Variants in ZBTB20 observed in about 807,000 individuals in gnomAD.
The protein encoded by ZBTB20 is zinc finger and BTB domain containing 20.
Under a neutral mutation model 56.9 loss-of-function variants are expected in ZBTB20, and 9 were observed. That is an observed-to-expected ratio of 0.16 (90% CI 0.10 to 0.28). ZBTB20 has a LOEUF of 0.28. Ranked by LOEUF, ZBTB20 falls within the 10% of genes least tolerant of loss-of-function variation. The pLI, the probability that ZBTB20 is intolerant of heterozygous loss-of-function variation, is 1.00. For synonymous variants in ZBTB20, 417 were observed against 420.7 expected (o/e 0.99, Z 0.11); for missense variants, 655 against 1,003.0 (o/e 0.65, Z 4.69).
In ZBTB20 at chr3:114,774,505, TC is replaced by T. The variant is rs376862574; in HGVS notation, c.-343+26595del. Among the ~76,000 whole-genome samples, 560 of 152,242 alleles carry T rather than the reference TC, an allele frequency of 3.7e-3. 1 individual carries two copies. Among genetic ancestry groups the T allele is most frequent in the South Asian group, 0.015 (70 of 4,824 alleles). ...AATACCACATTCTGCTTCCTAGAGG[TC>T]CCTGTAAACTTATTAAAAACTTCAG... On this transcript the variant is annotated intron_variant, in intron 5 of 11. Transcript: ENST00000675478.
At chr3:114,810,456 C>G (rs573743122) in intron 4 of ZBTB20, among the ~76,000 whole-genome samples, 6 of 152,266 alleles carry the variant, frequency 3.9e-5, no homozygotes, top group Admixed American at 2.0e-4. Context: ...ATCAAATTAT[C>G]GAATCACCCC....
chr3:114,788,914 C>A (rs979130590), intron 5 of ZBTB20, among the ~76,000 whole-genome samples: 1 of 152,016 alleles, frequency 6.6e-6, no homozygotes, highest in African/African-American at 2.4e-5. Flanking sequence ...GGGAACTACT[C>A]TTTATAAAAC....
intron 5 of ZBTB20, among the ~76,000 whole-genome samples, chr3:114,753,413 GTATATA>G (rs67371620): frequency 4.2e-5 from 2 of 47,598 alleles, no homozygotes; most frequent in African/African-American, 1.1e-4. Flanking sequence ...ATACACACAC[GTATATA>G]TATATATATA....
rs369413912 is a variant in ZBTB20 at position 114,552,808 on chromosome 3, C to CT, written c.-294-52418dup. Reference sequence around the variant, plus strand: ...CTAGACAGAAAGGCCAGGTCTCTCTCTATTTGCTCATTCATGACAAAGGTG... The same window carrying CT: ...CTAGACAGAAAGGCCAGGTCTCTCTCTTATTTGCTCATTCATGACAAAGGTG... On this transcript the variant is annotated intron_variant, in intron 6 of 11. Transcript: ENST00000675478. 1.8e-3 allele frequency among the ~76,000 whole-genome samples: 267 copies of CT among 152,260 alleles called. 1 individual carries two copies. The highest frequency in any genetic ancestry group is 6.1e-3 in the African/African-American group (254 of 41,552).
chr3:114,998,947 A>T (rs575703563), intron 2 of ZBTB20, among the ~76,000 whole-genome samples: 8 of 144,724 alleles, frequency 5.5e-5, no homozygotes, highest in Non-Finnish European at 1.1e-4. Flanking sequence ...AAGATCAATC[A>T]GAATATGGTA....
intron 7 of ZBTB20, among the ~76,000 whole-genome samples, chr3:114,426,839 T>C (rs2089717048): frequency 6.6e-6 from 1 of 152,246 alleles, no homozygotes. Context: ...TTGTGTATTG[T>C]AGTTGTTTAT....
intron 4 of ZBTB20, among the ~76,000 whole-genome samples, chr3:114,843,887 G>A (rs866805496): frequency 6.0e-5 from 9 of 150,012 alleles, no homozygotes; most frequent in East Asian, 3.9e-4. Context: ...AGGTTTCACC[G>A]TGTTAGCCAG....
intron 4 of ZBTB20, among the ~76,000 whole-genome samples, chr3:114,877,671 A>T (rs2076248666): frequency 6.6e-6 from 1 of 152,202 alleles, no homozygotes; most frequent in Non-Finnish European, 1.5e-5. Context: ...AAAGGTCAGG[A>T]AGACGTAAGT....
At chr3:114,525,903 T>C (rs963191069) in intron 6 of ZBTB20, among the ~76,000 whole-genome samples, 7 of 152,186 alleles carry the variant, frequency 4.6e-5, no homozygotes, top group Admixed American at 1.3e-4. Context: ...CTATGTCCAC[T>C]ACACAGAATT....
intron 2 of ZBTB20, among the ~76,000 whole-genome samples, chr3:114,987,487 G>A (rs1335688478): frequency 1.3e-5 from 2 of 152,072 alleles, no homozygotes; most frequent in Non-Finnish European, 2.9e-5. Flanking sequence ...TCATATGAAG[G>A]AGAAATCACA....
intron 6 of ZBTB20, among the ~76,000 whole-genome samples, chr3:114,605,939 G>A (rs1345495986): frequency 6.6e-6 from 1 of 152,164 alleles, no homozygotes; most frequent in Non-Finnish European, 1.5e-5. Context: ...GAGTTTTCAG[G>A]CCCATCCAGA....
chr3:115,095,877 A>G (rs1314541638), intron 1 of ZBTB20, among the ~76,000 whole-genome samples: 1 of 152,242 alleles, frequency 6.6e-6, no homozygotes. Context: ...CTTTTGGTAA[A>G]GAATAAAATT....
chr3:114,484,840 C>T (rs574334265), intron 7 of ZBTB20, among the ~76,000 whole-genome samples: 3 of 149,206 alleles, frequency 2.0e-5, no homozygotes, highest in Non-Finnish European at 4.5e-5. Context: ...TGTGTGTGTG[C>T]GTGAGTGCAC....
chr3:114,627,852 T>C (rs1423838908), intron 6 of ZBTB20, among the ~76,000 whole-genome samples: 2 of 152,208 alleles, frequency 1.3e-5, no homozygotes, highest in Non-Finnish European at 2.9e-5. Flanking sequence ...TCCCCACAGA[T>C]GCTGAATTCT....
intron 6 of ZBTB20, among the ~76,000 whole-genome samples, chr3:114,593,843 C>G (rs945077620): frequency 2.6e-5 from 4 of 152,136 alleles, no homozygotes; most frequent in African/African-American, 9.7e-5. Context: ...AACTCATCTC[C>G]GTAATATAGT....
chr3:114,389,881 C>T (rs528251857), intron 7 of ZBTB20, among the ~76,000 whole-genome samples: 1 of 99,780 alleles, frequency 1.0e-5, no homozygotes, highest in African/African-American at 3.9e-5. Context: ...GAGCAAGAGT[C>T]CATCTCAAAA....
intron 6 of ZBTB20, among the ~76,000 whole-genome samples, chr3:114,634,402 G>A (rs1309167410): frequency 6.6e-6 from 1 of 152,132 alleles, no homozygotes; most frequent in Non-Finnish European, 1.5e-5. Context: ...CCATAGGCAT[G>A]TTAGAAATGC....
chr3:115,004,512 G>T (rs1388385404), intron 2 of ZBTB20, among the ~76,000 whole-genome samples: 1 of 151,522 alleles, frequency 6.6e-6, no homozygotes, highest in African/African-American at 2.4e-5. Context: ...CACACACTAG[G>T]GTTTGTGCCT....
intron 7 of ZBTB20, among the ~76,000 whole-genome samples, chr3:114,471,211 A>G (rs1292962460): frequency 6.6e-6 from 1 of 152,158 alleles, no homozygotes; most frequent in Non-Finnish European, 1.5e-5. Context: ...AACAATAATA[A>G]CTCCATGCAT....
Sources: allele counts gnomAD v4.1 joint callset (sites outside exome capture counted in the v4.1 genomes callset), GRCh38; gene constraint gnomAD v4.1.1; transcripts MANE v1.5; gene names NCBI Gene and HGNC (gene_info 2026-07-23, HGNC 2026-07-21).